L3MBTL4: variants seen among roughly 807,000 people sequenced by gnomAD.
L3MBTL4 encodes L3MBTL histone methyl-lysine binding protein 4, also known as lethal(3)malignant brain tumor-like protein 4.
L3MBTL4 carries 70 observed loss-of-function variants against 84.5 expected under a neutral mutation model. That is an observed-to-expected ratio of 0.83 (90% CI 0.68 to 1.01). The LOEUF (loss-of-function observed/expected upper bound fraction) is 1.01, where lower values mean the gene tolerates loss of function less well. L3MBTL4 is among the 50% of genes least tolerant of loss of function. The pLI is 0.00. For synonymous variants in L3MBTL4, 274 were observed against 259.8 expected (o/e 1.05, Z -0.52); for missense variants, 715 against 754.8 (o/e 0.95, Z 0.62).
At chr18:5,958,085 GAA>G (rs1567911316) in intron 18 of L3MBTL4, among the ~76,000 whole-genome samples, 1 of 63,680 alleles carries the variant, frequency 1.6e-5, no homozygotes, top group East Asian at 1.5e-3. Context: ...AGAAGAAGAA[GAA>G]GAAGAAGAAG....
At chr18:6,258,339 T>C (rs115237160) in intron 5 of L3MBTL4, among the ~76,000 whole-genome samples, 2,377 of 152,318 alleles carry the variant, frequency 0.016, 49 homozygotes, top group African/African-American at 0.054. Flanking sequence ...GGCCTCATGG[T>C]TCCTACTCAG....
intron 16 of L3MBTL4, among the ~76,000 whole-genome samples, chr18:6,075,097 C>T (rs968279631): frequency 1.3e-5 from 2 of 151,944 alleles, no homozygotes; most frequent in African/African-American, 2.4e-5. Flanking sequence ...TTGGAAGATG[C>T]CAATTCACCT....
At chr18:6,021,663 G>A (rs2055271362) in intron 16 of L3MBTL4, among the ~76,000 whole-genome samples, 1 of 152,144 alleles carries the variant, frequency 6.6e-6, no homozygotes, top group African/African-American at 2.4e-5. Flanking sequence ...ACTGATCCTT[G>A]GGGTTTCTGT....
At chr18:6,100,569 T>C (rs557221281) in intron 14 of L3MBTL4, among the ~76,000 whole-genome samples, 3 of 152,234 alleles carry the variant, frequency 2.0e-5, no homozygotes, top group African/African-American at 7.2e-5. Flanking sequence ...ACCTGGACAT[T>C]TTGGGGATTA....
chr18:6,374,747 TAAGA>T (rs1222697698), intron 1 of L3MBTL4, among the ~76,000 whole-genome samples: 1 of 152,084 alleles, frequency 6.6e-6, no homozygotes. Flanking sequence ...CTCCTCATCG[TAAGA>T]AAGCTGCCCA....
At chr18:6,036,080 G>T (rs1340323972) in intron 16 of L3MBTL4, among the ~76,000 whole-genome samples, 1 of 152,140 alleles carries the variant, frequency 6.6e-6, no homozygotes, top group Non-Finnish European at 1.5e-5. Context: ...ATAAGCTTAA[G>T]GATCCCTTGT....
chr18:6,304,692 G>C (rs2050504711), intron 3 of L3MBTL4, among the ~76,000 whole-genome samples: 1 of 152,144 alleles, frequency 6.6e-6, no homozygotes, highest in South Asian at 2.1e-4. Context: ...CTCCTGTCTT[G>C]GGTCTAATTT....
intron 16 of L3MBTL4, among the ~76,000 whole-genome samples, chr18:6,049,775 G>A (rs1055964748): frequency 6.6e-6 from 1 of 152,178 alleles, no homozygotes; most frequent in Non-Finnish European, 1.5e-5. Flanking sequence ...GTTATGTTCA[G>A]TACTTGGGTG....
At chr18:6,027,795 A>T (rs1046686874) in intron 16 of L3MBTL4, among the ~76,000 whole-genome samples, 2 of 152,188 alleles carry the variant, frequency 1.3e-5, no homozygotes, top group African/African-American at 4.8e-5. Context: ...CAGTGATGAT[A>T]AGCTTTTTTC....
intron 12 of L3MBTL4, among the ~76,000 whole-genome samples, chr18:6,188,775 G>C (rs1411318182): frequency 6.6e-6 from 1 of 152,256 alleles, no homozygotes; most frequent in African/African-American, 2.4e-5. Context: ...TACCAGCACA[G>C]AGGCTGTGGG....
chr18:6,263,493 T>C (rs1053312059), intron 5 of L3MBTL4, among the ~76,000 whole-genome samples: 1 of 152,166 alleles, frequency 6.6e-6, no homozygotes, highest in Non-Finnish European at 1.5e-5. Context: ...TTCAGGGGTT[T>C]CAATGTCTTC....
At chr18:6,207,310 T>C (rs1336383430) in intron 12 of L3MBTL4, among the ~76,000 whole-genome samples, 1 of 152,234 alleles carries the variant, frequency 6.6e-6, no homozygotes, top group Non-Finnish European at 1.5e-5. Context: ...GAGCTCAGGC[T>C]GAAGAACCAG....
intron 10 of L3MBTL4, among the ~76,000 whole-genome samples, chr18:6,221,478 A>G (rs546337243): frequency 1.3e-5 from 2 of 152,342 alleles, no homozygotes; most frequent in East Asian, 3.9e-4. Context: ...TGGACACTTC[A>G]TCAAACTCAA....
At chr18:6,322,269 T>C (rs1435748108) in intron 1 of L3MBTL4, among the ~76,000 whole-genome samples, 1 of 150,890 alleles carries the variant, frequency 6.6e-6, no homozygotes, top group Non-Finnish European at 1.5e-5. Context: ...GCATTGGAGG[T>C]CAAGACTTCA....
At chr18:6,046,610 C>T (rs181407857) in intron 16 of L3MBTL4, 139 of 599,094 alleles carry the variant, frequency 2.3e-4, no homozygotes, top group Non-Finnish European at 1.2e-5. Flanking sequence ...TCTCCCAAAA[C>T]CACACATTAC....
At chr18:5,997,935 C>A (rs893274038) in intron 16 of L3MBTL4, among the ~76,000 whole-genome samples, 1 of 152,144 alleles carries the variant, frequency 6.6e-6, no homozygotes, top group Non-Finnish European at 1.5e-5. Flanking sequence ...GTCCTGGAAC[C>A]AATCCCCCAG....
At chr18:6,193,859 T>C (rs184751458) in intron 12 of L3MBTL4, among the ~76,000 whole-genome samples, 208 of 152,294 alleles carry the variant, frequency 1.4e-3, no homozygotes, top group Non-Finnish European at 1.8e-3. Context: ...ACAAATTCAC[T>C]GCACACCTCC....
At chr18:6,196,972 T>C (rs941348800) in intron 12 of L3MBTL4, among the ~76,000 whole-genome samples, 2 of 152,172 alleles carry the variant, frequency 1.3e-5, no homozygotes, top group African/African-American at 4.8e-5. Context: ...TCCTCCATAA[T>C]CTGAAGTTCC....
At chr18:6,156,612 A>AAC (rs2043114990) in intron 13 of L3MBTL4, among the ~76,000 whole-genome samples, 1 of 152,200 alleles carries the variant, frequency 6.6e-6, no homozygotes, top group South Asian at 2.1e-4. Flanking sequence ...GCGTGAACTC[A>AAC]GGATCTCTAC....
Sources: allele counts gnomAD v4.1 joint callset (sites outside exome capture counted in the v4.1 genomes callset), GRCh38; gene constraint gnomAD v4.1.1; transcripts MANE v1.5; gene names NCBI Gene and HGNC (gene_info 2026-07-23, HGNC 2026-07-21).